The following RNF13 variants were observed in gnomAD, a reference collection of about 807,000 sequenced individuals.
RNF13 encodes the protein E3 ubiquitin-protein ligase RNF13.
RNF13 carries 19 observed loss-of-function variants against 37.7 expected under a neutral mutation model. The ratio of observed to expected loss-of-function variants is 0.50; its 90% CI spans 0.35 to 0.74. RNF13 has a LOEUF of 0.74. Ranked by LOEUF, RNF13 falls within the 30% of genes least tolerant of loss-of-function variation. RNF13 has a pLI of 0.01. For synonymous variants in RNF13, 144 were observed against 157.8 expected (o/e 0.91, Z 0.65); for missense variants, 375 against 453.0 (o/e 0.83, Z 1.56).
chr3:149,869,610 A>G (rs919196947), intron 3 of RNF13, among the ~76,000 whole-genome samples: 1 of 151,678 alleles, frequency 6.6e-6, no homozygotes, highest in African/African-American at 2.4e-5. Context: ...CGCCTCAGAA[A>G]AAAAAAAAAG....
At chr3:149,940,436 ATTTG>A (rs1379214175) in intron 8 of RNF13, among the ~76,000 whole-genome samples, 2 of 152,138 alleles carry the variant, frequency 1.3e-5, no homozygotes, top group African/African-American at 4.8e-5. Flanking sequence ...ACAAACTGCT[ATTTG>A]TTTGTTCACA....
intron 6 of RNF13, among the ~76,000 whole-genome samples, chr3:149,904,782 AG>A (rs1716222290): frequency 6.6e-6 from 1 of 152,172 alleles, no homozygotes; most frequent in Non-Finnish European, 1.5e-5. Flanking sequence ...AATTAAAAAA[AG>A]ACTTTAATTT....
At chr3:149,834,460 T>C (rs1721387598) in intron 1 of RNF13, among the ~76,000 whole-genome samples, 1 of 152,254 alleles carries the variant, frequency 6.6e-6, no homozygotes, top group African/African-American at 2.4e-5. Context: ...AAATAACTTT[T>C]GACAGAAGTC....
intron 4 of RNF13, among the ~76,000 whole-genome samples, chr3:149,882,410 A>G (rs1713534143): frequency 6.6e-6 from 1 of 152,156 alleles, no homozygotes; most frequent in Admixed American, 6.5e-5. Context: ...TTAAACAACT[A>G]TTTATATGAG....
chr3:149,933,139 A>G (rs1719326505), intron 8 of RNF13, among the ~76,000 whole-genome samples: 1 of 151,828 alleles, frequency 6.6e-6, no homozygotes, highest in Admixed American at 6.6e-5. Flanking sequence ...AGGCTGGAGC[A>G]GCCAGGATGC....
chr3:149,831,682 G>A (rs142658397), intron 1 of RNF13, among the ~76,000 whole-genome samples: 1,831 of 152,246 alleles, frequency 0.012, 30 homozygotes, highest in African/African-American at 0.041. Flanking sequence ...TAAGACTTTG[G>A]GGGACTGTTG....
At chr3:149,870,367 T>C (rs1005011977) in intron 3 of RNF13, among the ~76,000 whole-genome samples, 1 of 151,808 alleles carries the variant, frequency 6.6e-6, no homozygotes, top group Non-Finnish European at 1.5e-5. Context: ...TTTACTTCTC[T>C]GTGGCCCTGG....
chr3:149,934,519 A>G (rs1390906066), intron 8 of RNF13, among the ~76,000 whole-genome samples: 4 of 152,048 alleles, frequency 2.6e-5, no homozygotes, highest in African/African-American at 9.7e-5. Flanking sequence ...TGCTTGTCCC[A>G]TAGATTTTGA....
chr3:149,924,892 A>G (rs1232291705), intron 8 of RNF13, among the ~76,000 whole-genome samples: 1 of 152,192 alleles, frequency 6.6e-6, no homozygotes, highest in East Asian at 1.9e-4. Flanking sequence ...AGGAGATTGG[A>G]TATCTTGCAC....
At position 149,921,134 on chromosome 3, in the gene RNF13, A is replaced by T; in HGVS notation, c.607A>T (p.Ile203Phe). 7.6e-7 allele frequency: 1 copy of T among 1,312,616 alleles called. No homozygotes were observed. 81.3% of individuals were successfully genotyped at this position (1,312,616 alleles called of 1,614,324 possible). A position where few individuals can be genotyped will look rare whatever the true frequency, so the allele number is the denominator to read the frequency against. Residue 203 changes from isoleucine (I) to phenylalanine (F), a missense_variant and splice_region_variant, in exon 8 of 10, where the codon ATC becomes TTC. Coordinates refer to ENST00000392894, the MANE Select transcript of RNF13 (RefSeq NM_183381.3). ...CCTTTTTTTACTCTTTTATTTTTAG[A>T]TCACAAAATTTGTCCAGGATAGACA... ...ICLILIVIFM[I>F]TKFVQDRHRA...
At chr3:149,867,015 T>C (rs918805988) in intron 3 of RNF13, among the ~76,000 whole-genome samples, 72 of 152,328 alleles carry the variant, frequency 4.7e-4, no homozygotes, top group African/African-American at 1.7e-3. Flanking sequence ...GGGTGAGATG[T>C]TCTGTAAATG....
At chr3:149,941,330 A>G (rs757903519) in intron 8 of RNF13, among the ~76,000 whole-genome samples, 3 of 152,096 alleles carry the variant, frequency 2.0e-5, no homozygotes, top group Non-Finnish European at 2.9e-5. Flanking sequence ...CCAGTGCACA[A>G]GGGCTCTCCA....
chr3:149,918,953 C>T (rs1033487812), intron 7 of RNF13, among the ~76,000 whole-genome samples: 8 of 151,960 alleles, frequency 5.3e-5, no homozygotes, highest in African/African-American at 1.2e-4. Context: ...CTTTTGAAAA[C>T]GGTGGATTTA....
chr3:149,837,332 G>A (rs951542748), intron 1 of RNF13, among the ~76,000 whole-genome samples: 3 of 152,050 alleles, frequency 2.0e-5, no homozygotes, highest in African/African-American at 7.2e-5. Flanking sequence ...TTTCTGAAGT[G>A]CTTTAAATGA....
At chr3:149,882,847 C>T (rs1435200227) in intron 4 of RNF13, among the ~76,000 whole-genome samples, 1 of 152,108 alleles carries the variant, frequency 6.6e-6, no homozygotes, top group African/African-American at 2.4e-5. Flanking sequence ...TCACAGTACT[C>T]AGCTGGATAT....
chr3:149,905,342 T>A (rs1472818162), intron 6 of RNF13, among the ~76,000 whole-genome samples: 2 of 152,174 alleles, frequency 1.3e-5, no homozygotes, highest in African/African-American at 2.4e-5. Flanking sequence ...ACAAGCACAT[T>A]TAAGCATTTT....
At chr3:149,958,354 T>G in intron 8 of RNF13, among the ~76,000 whole-genome samples, 1 of 152,228 alleles carries the variant, frequency 6.6e-6, no homozygotes, top group Non-Finnish European at 1.5e-5. Context: ...CCTTGACTTG[T>G]GACCCTTCTT....
chr3:149,939,040 T>G, intron 8 of RNF13: 5 of 487,130 alleles, frequency 1.0e-5, no homozygotes, highest in Non-Finnish European at 2.0e-5. Context: ...TCCTGGTCAG[T>G]CATCCGGAAG....
At chr3:149,917,947 G>A (rs1240046335) in intron 7 of RNF13, among the ~76,000 whole-genome samples, 3 of 152,048 alleles carry the variant, frequency 2.0e-5, no homozygotes, top group Non-Finnish European at 4.4e-5. Flanking sequence ...ACAGAATTAT[G>A]CAACCATCAC....
Sources: gnomAD v4.1 joint callset for allele counts (sites outside exome capture counted in the v4.1 genomes callset) on GRCh38, gnomAD v4.1.1 for gene constraint, MANE v1.5 for transcripts, NCBI Gene and HGNC (gene_info 2026-07-23, HGNC 2026-07-21) for gene names.